FSTL5: variants seen among roughly 807,000 people sequenced by gnomAD.
FSTL5 encodes the protein follistatin-related protein 5.
Under a neutral mutation model 89.1 loss-of-function variants are expected in FSTL5, and 62 were observed. The ratio of observed to expected loss-of-function variants is 0.70; its 90% confidence interval spans 0.57 to 0.86. FSTL5 has a LOEUF of 0.86. Ranked by LOEUF, FSTL5 falls within the 40% of genes least tolerant of loss-of-function variation. FSTL5 has a pLI of 0.00. For synonymous variants in FSTL5, 383 were observed against 346.2 expected (o/e 1.11, Z -1.18); for missense variants, 1,057 against 1,001.6 (o/e 1.06, Z -0.75).
intron 3 of FSTL5, among the ~76,000 whole-genome samples, chr4:161,928,734 G>T (rs1734197824): frequency 6.6e-6 from 1 of 151,654 alleles, no homozygotes; most frequent in Non-Finnish European, 1.5e-5. Flanking sequence ...GTGAGATGTT[G>T]ATTTTAGTAT....
At chr4:161,700,588 G>A (rs1738354899) in intron 6 of FSTL5, among the ~76,000 whole-genome samples, 2 of 151,734 alleles carry the variant, frequency 1.3e-5, no homozygotes, top group Non-Finnish European at 2.9e-5. Flanking sequence ...GTTTGCCCAG[G>A]GTGGTCTCGA....
intron 13 of FSTL5, among the ~76,000 whole-genome samples, chr4:161,461,192 C>A (rs1578850715): frequency 2.6e-5 from 4 of 151,180 alleles, no homozygotes; most frequent in Admixed American, 2.6e-4. Context: ...TGCGGTGGCT[C>A]ACGCCTGTAG....
At chr4:161,805,032 C>T (rs1055678968) in intron 4 of FSTL5, among the ~76,000 whole-genome samples, 1 of 152,044 alleles carries the variant, frequency 6.6e-6, no homozygotes, top group African/African-American at 2.4e-5. Context: ...AAATAAAGTC[C>T]TATGTCCTGT....
chr4:161,742,844 T>C (rs1740073959), intron 6 of FSTL5, among the ~76,000 whole-genome samples: 2 of 152,334 alleles, frequency 1.3e-5, no homozygotes, highest in Middle Eastern at 3.4e-3. Flanking sequence ...GCCATCTTCT[T>C]TGGCAGATGA....
At chr4:161,846,342 C>T (rs941137034) in intron 4 of FSTL5, among the ~76,000 whole-genome samples, 13 of 151,844 alleles carry the variant, frequency 8.6e-5, no homozygotes, top group African/African-American at 2.9e-4. Context: ...CAATTTAGTA[C>T]TTAAATTTGT....
In FSTL5 at chr4:161,779,799, A is replaced by ATATATATATG. The variant is rs1741580543; in HGVS notation, c.410-3726_410-3725insCATATATATA. 1.4e-3 allele frequency among the ~76,000 whole-genome samples: 55 copies of ATATATATATG among 40,008 alleles called. 1 individual carries two copies. The highest frequency in any genetic ancestry group is 3.9e-3 in the East Asian group (5 of 1,266). 26.2% of individuals were successfully genotyped at this position (40,008 alleles called of 152,430 possible). ...TGTATATATATATATATATATATATATATATATATATGTATATATATATAT... is the reference window on the plus strand; with the variant it reads ...TGTATATATATATATATATATATATATATATATATGTATATATATATGTATATATATATAT... On this transcript the variant is annotated intron_variant, in intron 4 of 15. Transcript: ENST00000306100.
chr4:162,011,299 C>G (rs1736759807), intron 3 of FSTL5, among the ~76,000 whole-genome samples: 1 of 152,040 alleles, frequency 6.6e-6, no homozygotes, highest in South Asian at 2.1e-4. Flanking sequence ...GAAGATATTA[C>G]TTGAATTTTT....
At chr4:161,616,143 A>G (rs774408664) in intron 7 of FSTL5, among the ~76,000 whole-genome samples, 2 of 151,132 alleles carry the variant, frequency 1.3e-5, no homozygotes, top group Non-Finnish European at 2.9e-5. Flanking sequence ...CTGTAGTGCA[A>G]TGGCGCAATC....
Position 162,141,145 on chromosome 4 carries a change from T to C in FSTL5, c.-17+22470A>G, listed in dbSNP as rs868032647. ...TTTTTTTTTTTTTTTGAGACGGAGT[T>C]TCGCTCTGTCGCCCAGGCTGGAGTG... On this transcript the variant is annotated intron_variant, in intron 1 of 15. Transcript: ENST00000306100. Among the ~76,000 whole-genome samples the C allele has an allele frequency of 1.1e-3, 120 of 105,650 alleles. 5 individuals carry two copies. Among genetic ancestry groups the C allele is most frequent in the African/African-American group, 3.6e-3 (101 of 27,850 alleles). 69.3% of individuals were successfully genotyped at this position (105,650 alleles called of 152,430 possible).
chr4:161,444,143 G>T (rs1296910661), intron 15 of FSTL5, among the ~76,000 whole-genome samples: 1 of 151,936 alleles, frequency 6.6e-6, no homozygotes, highest in Non-Finnish European at 1.5e-5. Context: ...GAACCGTATG[G>T]CAAAAATGAT....
intron 15 of FSTL5, among the ~76,000 whole-genome samples, chr4:161,427,259 T>G (rs1398571433): frequency 1.3e-5 from 2 of 152,254 alleles, no homozygotes; most frequent in African/African-American, 4.8e-5. Context: ...ATATGCTATG[T>G]CAGCCATGGG....
intron 4 of FSTL5, among the ~76,000 whole-genome samples, chr4:161,862,809 G>C (rs1291116030): frequency 6.6e-6 from 1 of 152,098 alleles, no homozygotes. Context: ...TCTCTTTTCT[G>C]AAAGAAGGTG....
chr4:162,059,299 T>C (rs1738648530), intron 2 of FSTL5, among the ~76,000 whole-genome samples: 1 of 152,198 alleles, frequency 6.6e-6, no homozygotes. Context: ...AATTTTCAGT[T>C]CTTGAAACTG....
At chr4:161,897,548 G>A (rs916171532) in intron 4 of FSTL5, among the ~76,000 whole-genome samples, 4 of 140,858 alleles carry the variant, frequency 2.8e-5, no homozygotes, top group Admixed American at 7.5e-5. Context: ...GCACTCTAGC[G>A]TGGGCAGCAA....
intron 4 of FSTL5, among the ~76,000 whole-genome samples, chr4:161,847,269 G>A (rs956048453): frequency 6.6e-6 from 1 of 152,026 alleles, no homozygotes; most frequent in Non-Finnish European, 1.5e-5. Flanking sequence ...AGATAAATTG[G>A]TTATTCTTAT....
intron 5 of FSTL5, among the ~76,000 whole-genome samples, chr4:161,774,615 TA>T (rs1382299773): frequency 9.9e-5 from 15 of 150,788 alleles, no homozygotes; most frequent in Admixed American, 2.0e-4. Context: ...GATATGTTAA[TA>T]AAAACTAAAA....
At position 162,089,360 on chromosome 4, in the gene FSTL5, TGCAGTGGCTCAC is replaced by T. The variant is rs532762475; in HGVS notation, c.126+21899_126+21910del. Among the ~76,000 whole-genome samples the T allele has an allele frequency of 3.7e-3, 565 of 152,034 alleles. 5 individuals carry two copies. Among genetic ancestry groups the T allele is most frequent in the Non-Finnish European group, 5.8e-3 (394 of 67,962 alleles). The stretch of plus-strand genomic sequence containing the variant: ...AAAAAAATTGAGTTTGTAGGCTGAG[TGCAGTGGCTCAC>T]GCCTATAATCTCAGCACTTTGGGAT... On this transcript the variant is annotated intron_variant, in intron 2 of 15. Transcript: ENST00000306100.
chr4:161,690,634 A>G (rs896870522), intron 6 of FSTL5, among the ~76,000 whole-genome samples: 5 of 152,136 alleles, frequency 3.3e-5, no homozygotes, highest in African/African-American at 1.2e-4. Flanking sequence ...ACATTGGATC[A>G]TTAAAGGATT....
intron 15 of FSTL5, among the ~76,000 whole-genome samples, chr4:161,433,177 A>G (rs1478664960): frequency 6.6e-6 from 1 of 152,012 alleles, no homozygotes; most frequent in Non-Finnish European, 1.5e-5. Flanking sequence ...AAAATCCTCA[A>G]TGAAATATGA....
Sources: gnomAD v4.1 joint callset for allele counts (sites outside exome capture counted in the v4.1 genomes callset) on GRCh38, gnomAD v4.1.1 for gene constraint, MANE v1.5 for transcripts, NCBI Gene and HGNC (gene_info 2026-07-23, HGNC 2026-07-21) for gene names.